Variants in C17orf75 observed in about 807,000 individuals in gnomAD.
C17orf75 encodes protein Njmu-R1.
Under a neutral mutation model 49.6 loss-of-function variants are expected in C17orf75, and 32 were observed. The ratio of observed to expected loss-of-function variants is 0.65; its 90% CI spans 0.49 to 0.87. C17orf75 has a LOEUF of 0.87. Among genes scored for constraint, C17orf75 ranks in the 40% least tolerant of loss-of-function variants. C17orf75 has a pLI of 0.00. For synonymous variants in C17orf75, 158 were observed against 159.5 expected (o/e 0.99, Z 0.07); for missense variants, 428 against 473.9 (o/e 0.90, Z 0.90).
Position 32,329,301 on chromosome 17 carries a change from C to G in C17orf75, c.*2462G>C, listed in dbSNP as rs985462925. 6.6e-6 allele frequency: 1 copy of G among 152,194 alleles called. No homozygotes were observed. The highest frequency in any genetic ancestry group is 1.5e-5 in the Non-Finnish European group (1 of 68,134). 9.4% of individuals were successfully genotyped at this position (152,194 alleles called of 1,614,324 possible). A position where few individuals can be genotyped will look rare whatever the true frequency, so the allele number is the denominator to read the frequency against. On this transcript the variant is annotated 3_prime_UTR_variant, in exon 10 of 10. Transcript: ENST00000577809. ...CAGGATGGTCTCGATCTCCTGACCT[C>G]ATGATCTGCCCGCCTAGGCCTCCCA...
intron 3 of C17orf75, among the ~76,000 whole-genome samples, 196 bp downstream of exon 3, chr17:32,339,617 A>G (rs749046179): frequency 6.6e-6 from 1 of 152,054 alleles, no homozygotes; most frequent in Non-Finnish European, 1.5e-5. Context: ...AATAAAGTGC[A>G]ATTGGGTGCC....
Position 32,330,980 on chromosome 17 carries a change from G to A in C17orf75, c.*783C>T, listed in dbSNP as rs1490994374. On this transcript the variant is annotated 3_prime_UTR_variant, in exon 10 of 10. Transcript: ENST00000577809. ...CTCTCCTGCCTCAGCCTCCAGAGTA[G>A]CTGGGACTACAGGCGCCCGCCACCA... 6.6e-6 allele frequency: 1 copy of A among 152,298 alleles called. No individual in the cohort carries two copies. Among genetic ancestry groups the A allele is most frequent in the Non-Finnish European group, 1.5e-5 (1 of 68,184 alleles). The allele number at this position is 152,298 out of a possible 1,614,324, so 9.4% of individuals were successfully genotyped here.
At chr17:32,335,959 T>C (rs1403598199) in intron 5 of C17orf75, among the ~76,000 whole-genome samples, 3 of 152,218 alleles carry the variant, frequency 2.0e-5, no homozygotes, top group African/African-American at 4.8e-5. Context: ...CCACTCCAGA[T>C]GTCAGACATG....
At chr17:32,334,169 A>T (rs1281248784) in intron 8 of C17orf75, among the ~76,000 whole-genome samples, 4 of 152,226 alleles carry the variant, frequency 2.6e-5, no homozygotes, top group Admixed American at 6.5e-5. Context: ...GTTGATAAAC[A>T]CTTAAATTGC....
chr17:32,348,053 T>C (rs913692996), intron 1 of C17orf75, among the ~76,000 whole-genome samples: 16 of 151,664 alleles, frequency 1.1e-4, no homozygotes, highest in African/African-American at 3.9e-4. Context: ...AGTCTTGCTC[T>C]GTCGCCCGGA....
At chr17:32,344,066 C>T (rs1006811409), upstream of C17orf75, 25 of 637,286 alleles carry the variant, frequency 3.9e-5, no homozygotes, top group Admixed American at 1.8e-4. Context: ...GTCCCCAGCA[C>T]AGGTCCATAT....
In C17orf75 at chr17:32,341,257, C is replaced by G. The variant is rs1425848559; in HGVS notation, c.168G>C (p.Glu56Asp). 6.2e-7 allele frequency: 1 copy of G among 1,613,968 alleles called. No individual in the cohort carries two copies. The highest frequency in any genetic ancestry group is 1.7e-5 in the Admixed American group (1 of 60,012). ...SRLAQQRGDS[E>D]DGSPSGTNAE... is the part of the protein sequence containing the mutation. Reference sequence around the variant, plus strand: ...CATTTGTGCCACTTGGGCTTCCGTCCTCACTGTCCCCTCGTTGCTGTGCCA... The same window carrying G: ...CATTTGTGCCACTTGGGCTTCCGTCGTCACTGTCCCCTCGTTGCTGTGCCA... Residue 56 changes from glutamate to aspartate, a missense_variant, in exon 2 of 10, where the codon GAG (glutamate) becomes GAC (aspartate). Physicochemically the swap from Glu to Asp is conservative, Grantham distance 45. Coordinates refer to ENST00000577809, the MANE Select transcript of C17orf75 (RefSeq NM_022344.4).
chr17:32,347,738 TC>T (rs910203585), intron 1 of C17orf75, among the ~76,000 whole-genome samples: 226 of 151,264 alleles, frequency 1.5e-3, no homozygotes, highest in African/African-American at 4.8e-3. Context: ...AAATCACTAA[TC>T]CCCCCCCACC....
chr17:32,348,742 G>A (rs1334075699), intron 1 of C17orf75, among the ~76,000 whole-genome samples: 1 of 152,082 alleles, frequency 6.6e-6, no homozygotes, highest in African/African-American at 2.4e-5. Flanking sequence ...GAACCACTGT[G>A]CCTTCTCAGA....
intron 3 of C17orf75, among the ~76,000 whole-genome samples, chr17:32,338,655 G>C (rs2041349244): frequency 6.6e-6 from 1 of 152,130 alleles, no homozygotes; most frequent in African/African-American, 2.4e-5. Flanking sequence ...TTAAAAAAAA[G>C]TATGTTCTCC....
chr17:32,341,479 C>A (rs749249084), intron 1 of C17orf75, among the ~76,000 whole-genome samples, 195 bp from the exon 2 acceptor site: 1 of 152,090 alleles, frequency 6.6e-6, no homozygotes, highest in East Asian at 1.9e-4. Flanking sequence ...GGCCACTTAA[C>A]GGGTGGAGGA....
At position 32,331,864 on chromosome 17, in the gene C17orf75, A is replaced by G. The variant is rs2041276870; in HGVS notation, c.1090T>C (p.Leu364=). The change falls in exon 10 of 10, where the codon TTG becomes CTG. Residue 364 remains leucine (L), a synonymous_variant. Transcript: ENST00000577809. ...LKNCGSGDIL[L]KIVKVEHEEM... ...TCATGTTCCACTTTAACAATCTTCA[A>G]AAGTATATCTCCACTACCACAGTTC... is the stretch of plus-strand genomic sequence containing the variant. The G allele has an allele frequency of 6.2e-7, 1 of 1,613,584 alleles. No homozygotes were observed. The highest frequency in any genetic ancestry group is 2.2e-5 in the East Asian group (1 of 44,826).
At chr17:32,333,080 G>A (rs2041292162) in intron 9 of C17orf75, among the ~76,000 whole-genome samples, 1 of 152,130 alleles carries the variant, frequency 6.6e-6, no homozygotes, top group Non-Finnish European at 1.5e-5. Context: ...CAAAGTGCTG[G>A]GATTACAGGG....
chr17:32,345,722 C>T (rs998070872), upstream of C17orf75, among the ~76,000 whole-genome samples: 7 of 151,984 alleles, frequency 4.6e-5, no homozygotes, highest in Admixed American at 3.3e-4. Context: ...CCCAGCTACT[C>T]GGGAGTCTGA....
In C17orf75 at chr17:32,334,919, T is replaced by A. The variant is rs564377436; in HGVS notation, c.670-80A>T. The stretch of plus-strand genomic sequence containing the variant: ...AGCTACTCATGACTAAATGTCCCCA[T>A]AAGTCCCTACCACACTGGACAACAA... On this transcript the variant is annotated intron_variant, in intron 6 of 9. Transcript: ENST00000577809. 205 of 1,177,416 alleles carry A rather than the reference T, an allele frequency of 1.7e-4. 2 individuals carry two copies. In the South Asian group the frequency reaches 2.9e-3, roughly 16 times the overall value. 72.9% of individuals were successfully genotyped at this position (1,177,416 alleles called of 1,614,324 possible).
Position 32,337,755 on chromosome 17 carries a change from G to A in C17orf75, c.549+142C>T, listed in dbSNP as rs57281923. On this transcript the variant is annotated intron_variant, in intron 5 of 9. Transcript: ENST00000577809. ...TGCCTGGCTAAGTTTTAGTAGAGAT[G>A]AAGTTTCATCATATTGACCAGGCTG... 2.3e-3 allele frequency: 1,426 copies of A among 623,304 alleles called. 12 individuals are homozygous for A. Among genetic ancestry groups the A allele is most frequent in the African/African-American group, 0.018 (969 of 52,770 alleles). The allele number at this position is 623,304 out of a possible 1,614,324, so 38.6% of individuals were successfully genotyped here. A position where few individuals can be genotyped will look rare whatever the true frequency, so the allele number is the denominator to read the frequency against.
chr17:32,335,911 TG>T (rs2041320537), intron 5 of C17orf75, among the ~76,000 whole-genome samples: 1 of 152,158 alleles, frequency 6.6e-6, no homozygotes, highest in African/African-American at 2.4e-5. Context: ...AGAATGTGAA[TG>T]GGGAAGGATA....
upstream of C17orf75, among the ~76,000 whole-genome samples, chr17:32,346,371 G>A (rs984585309): frequency 6.6e-6 from 1 of 152,100 alleles, no homozygotes; most frequent in African/African-American, 2.4e-5. Flanking sequence ...AGTGTGCTAC[G>A]ATTGCACCAC....
At chr17:32,336,674 C>A (rs1225597979) in intron 5 of C17orf75, among the ~76,000 whole-genome samples, 1 of 152,200 alleles carries the variant, frequency 6.6e-6, no homozygotes, top group Non-Finnish European at 1.5e-5. Flanking sequence ...TGGACCAGTA[C>A]TTCTGACCAT....
Sources: allele counts gnomAD v4.1 joint callset (sites outside exome capture counted in the v4.1 genomes callset), GRCh38; gene constraint gnomAD v4.1.1; transcripts MANE v1.5; gene names NCBI Gene and HGNC (gene_info 2026-07-23, HGNC 2026-07-21).